The following RAPGEF6 variants were observed in gnomAD, a reference collection of about 807,000 sequenced individuals.
The protein encoded by RAPGEF6 is PDZ domain containing guanine nucleotide exchange factor (GEF) 2.
Under a neutral mutation model 171.4 loss-of-function variants are expected in RAPGEF6, and 56 were observed. That is an observed-to-expected ratio of 0.33 (90% confidence interval 0.26 to 0.41). The LOEUF is 0.41. Among genes scored for constraint, RAPGEF6 ranks in the 10% least tolerant of loss-of-function variants. RAPGEF6 has a pLI of 1.00. For synonymous variants in RAPGEF6, 692 were observed against 650.1 expected (o/e 1.06, Z -0.98); for missense variants, 1,674 against 1,921.4 (o/e 0.87, Z 2.41).
chr5:131,553,213 T>C (rs2149955997), intron 5 of RAPGEF6, among the ~76,000 whole-genome samples: 1 of 152,250 alleles, frequency 6.6e-6, no homozygotes, highest in South Asian at 2.1e-4. Flanking sequence ...GCAGGAACAC[T>C]GAGAATAATC....
At chr5:131,596,225 G>A (rs1465624342) in intron 3 of RAPGEF6, among the ~76,000 whole-genome samples, 3 of 91,764 alleles carry the variant, frequency 3.3e-5, no homozygotes, top group Non-Finnish European at 1.0e-4. Flanking sequence ...GCAAACAGGA[G>A]TAGCCATGCT....
At chr5:131,539,560 T>G (rs1489096112) in intron 6 of RAPGEF6, among the ~76,000 whole-genome samples, 1 of 152,182 alleles carries the variant, frequency 6.6e-6, no homozygotes, top group Non-Finnish European at 1.5e-5. Flanking sequence ...CAGGAATGGC[T>G]TGATGAATAA....
At chr5:131,505,573 A>ATGT in intron 9 of RAPGEF6, 51 bp from the exon 10 acceptor site, 1 of 1,498,364 alleles carries the variant, frequency 6.7e-7, no homozygotes, top group South Asian at 1.2e-5. Context: ...AGGTAGTTAC[A>ATGT]TGTTAACTTT....
At chr5:131,617,707 A>G (rs2150030592) in intron 1 of RAPGEF6, among the ~76,000 whole-genome samples, 1 of 152,376 alleles carries the variant, frequency 6.6e-6, no homozygotes, top group African/African-American at 2.4e-5. Flanking sequence ...AAGGCTGGAC[A>G]ACATAGTGAA....
At position 131,455,815 on chromosome 5, in the gene RAPGEF6, G is replaced by A. The variant is rs1753453870; in HGVS notation, c.3062C>T (p.Thr1021Ile). ...TGTTTTCATACCTTCATGTAGAAAT[G>A]TCATATCTTTCTTGACAACAGGGAA... ...PLFPVVKKDMTFLHEGNDSKV... is the reference protein window; with the variant it reads ...PLFPVVKKDMIFLHEGNDSKV... Residue 1021 changes from threonine to isoleucine, a missense_variant, in exon 20 of 28, where the codon ACA becomes ATA. Thr to Ile is a moderately conservative substitution (Grantham distance 89). Around this residue, in one of 3 missense-constraint regions of RAPGEF6, gnomAD observed 1,116 missense variants for 1,321.5 expected, o/e 0.84. Transcript: ENST00000509018. 6.2e-7 allele frequency: 1 copy of A among 1,611,036 alleles called. No individual in the cohort carries two copies. Among genetic ancestry groups the A allele is most frequent in the Non-Finnish European group, 8.5e-7 (1 of 1,177,604 alleles).
intron 24 of RAPGEF6, chr5:131,435,957 T>C: frequency 6.6e-7 from 1 of 1,526,044 alleles, no homozygotes; most frequent in Non-Finnish European, 8.8e-7. Flanking sequence ...TTCATCAGAG[T>C]GTCTTCCTCC....
chr5:131,528,821 C>T (rs1275479753), intron 6 of RAPGEF6, among the ~76,000 whole-genome samples: 4 of 152,100 alleles, frequency 2.6e-5, no homozygotes, highest in African/African-American at 7.2e-5. Context: ...TTTGGTAGGT[C>T]ATGGTGAGGA....
intron 2 of RAPGEF6, among the ~76,000 whole-genome samples, chr5:131,604,203 C>T (rs1764413487): frequency 6.6e-6 from 1 of 152,132 alleles, no homozygotes; most frequent in Non-Finnish European, 1.5e-5. Flanking sequence ...TAAATATCAA[C>T]ACAAACTACA....
chr5:131,523,110 T>C (rs1272946658), intron 6 of RAPGEF6, among the ~76,000 whole-genome samples: 1 of 152,088 alleles, frequency 6.6e-6, no homozygotes. Flanking sequence ...ATAAAAAGTA[T>C]GGAATAAACT....
At chr5:131,524,640 G>GAGAA (rs1224584154) in intron 6 of RAPGEF6, among the ~76,000 whole-genome samples, 1 of 129,002 alleles carries the variant, frequency 7.8e-6, no homozygotes, top group African/African-American at 2.8e-5. Context: ...GAGAGAGAGA[G>GAGAA]AGACTTGCTC....
chr5:131,435,878 T>C, intron 24 of RAPGEF6: 1 of 1,444,980 alleles, frequency 6.9e-7, no homozygotes, highest in Admixed American at 2.7e-5. Flanking sequence ...CTTTGACAAA[T>C]GGTTTAATTT....
At chr5:131,435,473 T>C (rs1307671085) in intron 24 of RAPGEF6, among the ~76,000 whole-genome samples, 1 of 152,244 alleles carries the variant, frequency 6.6e-6, no homozygotes, top group Non-Finnish European at 1.5e-5. Flanking sequence ...CTTATGTCTA[T>C]TTGATCAGTA....
chr5:131,554,130 T>C (rs551806315), intron 5 of RAPGEF6, among the ~76,000 whole-genome samples: 5 of 152,098 alleles, frequency 3.3e-5, no homozygotes, highest in East Asian at 1.9e-4. Context: ...CAAAATACGA[T>C]GAATGTAAAA....
At chr5:131,458,944 C>T (rs530782638) in intron 19 of RAPGEF6, among the ~76,000 whole-genome samples, 7 of 152,274 alleles carry the variant, frequency 4.6e-5, no homozygotes, top group East Asian at 1.9e-4. Context: ...TGAGCCACCG[C>T]GCCCAGACAT....
At chr5:131,527,507 G>A (rs1302816743) in intron 6 of RAPGEF6, among the ~76,000 whole-genome samples, 2 of 152,254 alleles carry the variant, frequency 1.3e-5, no homozygotes, top group South Asian at 2.1e-4. Flanking sequence ...ACAATTTGAG[G>A]AGTAGCCACT....
intron 8 of RAPGEF6, 110 bp from the exon 9 acceptor site, chr5:131,508,317 G>T: frequency 8.8e-7 from 1 of 1,130,804 alleles, no homozygotes; most frequent in Non-Finnish European, 1.2e-6. Context: ...ATAAATTTAT[G>T]TTGCTAAAGT....
chr5:131,612,267 C>G (rs114230930), intron 1 of RAPGEF6, among the ~76,000 whole-genome samples: 1,309 of 114,590 alleles, frequency 0.011, 28 homozygotes, highest in African/African-American at 0.04. Flanking sequence ...AATATCCATT[C>G]AATCATTCTG....
At chr5:131,494,841 T>C (rs1471472576) in intron 13 of RAPGEF6, among the ~76,000 whole-genome samples, 2 of 152,106 alleles carry the variant, frequency 1.3e-5, no homozygotes, top group Non-Finnish European at 2.9e-5. Flanking sequence ...AGAAAATATG[T>C]GAACATACAT....
intron 4 of RAPGEF6, among the ~76,000 whole-genome samples, chr5:131,571,459 AT>A (rs555238120): frequency 5.3e-4 from 80 of 152,362 alleles, no homozygotes; most frequent in African/African-American, 1.8e-3. Flanking sequence ...TACTAAAAAA[AT>A]ATAAAACAGC....
Sources: allele counts gnomAD v4.1 joint callset (sites outside exome capture counted in the v4.1 genomes callset), GRCh38; gene constraint gnomAD v4.1.1; regional missense constraint gnomAD v4.1.1; transcripts MANE v1.5; gene names NCBI Gene and HGNC (gene_info 2026-07-23, HGNC 2026-07-21).